The following UQCC5 variants were observed in gnomAD, a reference collection of about 807,000 sequenced individuals.
The protein encoded by UQCC5 is UPF0640 protein C3orf78.
the UQCC5 span, chr3:52,540,671 CA>C: frequency 1.4e-5 from 7 of 489,736 alleles, no homozygotes; most frequent in East Asian, 2.5e-4. Context: ...CTTCCCAAGT[CA>C]CTGCTGGACA....
the UQCC5 span, chr3:52,536,618 C>G: frequency 1.8e-5 from 27 of 1,468,628 alleles, no homozygotes; most frequent in Middle Eastern, 2.5e-4. Context: ...CGTGCGCCTA[C>G]CAGACAGTGG....
chr3:52,539,078 G>A, the UQCC5 span, among the ~76,000 whole-genome samples: 1 of 152,062 alleles, frequency 6.6e-6, no homozygotes. Context: ...TGGCCATTTG[G>A]GGGTGGGTGA....
chr3:52,536,921 AG>A, the UQCC5 span: 1 of 1,551,398 alleles, frequency 6.4e-7, no homozygotes, highest in Non-Finnish European at 8.7e-7. Context: ...GTGAGGGGGT[AG>A]CAGTCTCTGT....
chr3:52,540,564 A>C, the UQCC5 span: 1 of 1,060,428 alleles, frequency 9.4e-7, no homozygotes, highest in Non-Finnish European at 1.3e-6. Context: ...TACTTTTCAG[A>C]TCTCTTGTTC....
the UQCC5 span, among the ~76,000 whole-genome samples, chr3:52,537,706 T>G: frequency 6.6e-6 from 1 of 151,778 alleles, no homozygotes; most frequent in Middle Eastern, 3.2e-3. Context: ...TAAAGACAAT[T>G]AGCATACAAA....
At chr3:52,540,496 C>G in the UQCC5 span, 1 of 1,515,302 alleles carries the variant, frequency 6.6e-7, no homozygotes, top group Admixed American at 2.5e-5. Flanking sequence ...GACTGAACTT[C>G]AGCAGTCAAT....
chr3:52,538,711 T>G, the UQCC5 span, among the ~76,000 whole-genome samples: 1 of 152,224 alleles, frequency 6.6e-6, no homozygotes, highest in African/African-American at 2.4e-5. Context: ...TCTGCCCACC[T>G]TGGCCTCCCA....
the UQCC5 span, among the ~76,000 whole-genome samples, chr3:52,539,199 G>A: frequency 6.6e-6 from 1 of 152,178 alleles, no homozygotes; most frequent in Admixed American, 6.5e-5. Context: ...GAAGCATGGG[G>A]AAGGGAGGAA....
At chr3:52,539,302 G>A in the UQCC5 span, among the ~76,000 whole-genome samples, 1 of 152,192 alleles carries the variant, frequency 6.6e-6, no homozygotes. Context: ...TTTGCCAGGA[G>A]AGAGAACAAG....
chr3:52,541,616 A>G, the UQCC5 span: 1 of 152,246 alleles, frequency 6.6e-6, no homozygotes, highest in African/African-American at 2.4e-5. Flanking sequence ...GTGAAAGGCC[A>G]GTAATGACCT....
chr3:52,541,423 A>C, the UQCC5 span: 3 of 152,214 alleles, frequency 2.0e-5, no homozygotes, highest in Non-Finnish European at 2.9e-5. Flanking sequence ...GGTATCCTCA[A>C]GTTAATGATC....
the UQCC5 span, among the ~76,000 whole-genome samples, chr3:52,539,699 C>T: frequency 6.7e-6 from 1 of 149,520 alleles, no homozygotes; most frequent in Non-Finnish European, 1.5e-5. Flanking sequence ...AGTGTGGTGG[C>T]ACGATCTTGG....
the UQCC5 span, chr3:52,536,687 G>A: frequency 6.5e-7 from 1 of 1,534,118 alleles, no homozygotes; most frequent in Non-Finnish European, 8.8e-7. Context: ...CGGGCGGGGC[G>A]GTCTCGGCTG....
the UQCC5 span, chr3:52,540,521 T>C: frequency 1.4e-6 from 2 of 1,438,136 alleles, no homozygotes; most frequent in East Asian, 5.2e-5. Flanking sequence ...TCAATATGAA[T>C]TTTTACTATT....
the UQCC5 span, chr3:52,536,847 T>C: frequency 3.7e-5 from 57 of 1,551,558 alleles, no homozygotes; most frequent in Non-Finnish European, 4.8e-5. Context: ...TTCTTTTTTG[T>C]CCTGGGAGGA....
the UQCC5 span, chr3:52,540,931 T>C: frequency 6.5e-6 from 1 of 153,354 alleles, no homozygotes; most frequent in African/African-American, 2.4e-5. Context: ...GTTGTATTTC[T>C]GCCAGCTACT....
At chr3:52,536,649 T>G in the UQCC5 span, 1 of 1,495,622 alleles carries the variant, frequency 6.7e-7, no homozygotes, top group Non-Finnish European at 9.0e-7. Flanking sequence ...CGCTCGCTAG[T>G]CTCCCAGGTC....
At chr3:52,536,917 G>A in the UQCC5 span, 1 of 1,551,448 alleles carries the variant, frequency 6.4e-7, no homozygotes, top group Non-Finnish European at 8.7e-7. Flanking sequence ...GTAAGTGAGG[G>A]GGTAGCAGTC....
At chr3:52,537,541 A>G in the UQCC5 span, among the ~76,000 whole-genome samples, 1 of 152,092 alleles carries the variant, frequency 6.6e-6, no homozygotes, top group African/African-American at 2.4e-5. Context: ...TTGCCAACCC[A>G]CATTTTAAAG....
Sources: gnomAD v4.1 joint callset for allele counts (sites outside exome capture counted in the v4.1 genomes callset) on GRCh38, gnomAD v4.1.1 for gene constraint, MANE v1.5 for transcripts, NCBI Gene and HGNC (gene_info 2026-07-23, HGNC 2026-07-21) for gene names.